The following CFAP46 variants were observed in gnomAD, a reference collection of about 807,000 sequenced individuals.
The protein encoded by CFAP46 is cilia and flagella associated protein 46, also known as cilia- and flagella-associated protein 46.
A neutral mutation model predicts 325.7 loss-of-function variants in CFAP46; 245 were observed. That is an observed-to-expected ratio of 0.75 (90% CI 0.68 to 0.84). The LOEUF is 0.84. Among genes scored for constraint, CFAP46 ranks in the 40% least tolerant of loss-of-function variants. The pLI, the probability that CFAP46 is intolerant of heterozygous loss-of-function variation, is 0.00. For missense variants in CFAP46, 3,346 were observed against 3,543.0 expected (o/e 0.94, Z 1.41); for synonymous variants, 1,523 against 1,495.9 (o/e 1.02, Z -0.42).
chr10:132,821,422 CTGA>C (rs1473868866), intron 50 of CFAP46, among the ~76,000 whole-genome samples: 5 of 107,350 alleles, frequency 4.7e-5, no homozygotes, highest in Admixed American at 9.8e-5. Flanking sequence ...TGTGTGAGCG[CTGA>C]TGTGTGCTGT....
rs1849132397 is a variant in CFAP46 at position 132,886,448 on chromosome 10, A to G, written c.3305-489T>C. ...CGGAGCCATGTGACACGCAGAGGCA[A>G]AGGTGCCTGCCTTCAGGGCACACAC... On this transcript the variant is annotated intron_variant, in intron 25 of 57. Coordinates refer to ENST00000368586, the MANE Select transcript of CFAP46 (RefSeq NM_001200049.3). This position sits in a 1 kb window ranked among gnomAD's most constrained non-coding sequence, Gnocchi z 5.8. Among the ~76,000 whole-genome samples the G allele has an allele frequency of 6.6e-6, 1 of 152,188 alleles. No homozygotes were observed. The highest frequency in any genetic ancestry group is 6.5e-5 in the Admixed American group (1 of 15,284).
intron 48 of CFAP46, 87 bp from the exon 49 acceptor site, chr10:132,834,210 T>C (rs1289296270): frequency 1.6e-6 from 2 of 1,259,824 alleles, no homozygotes; most frequent in South Asian, 1.3e-5. Flanking sequence ...CCTGTTTCAC[T>C]CTAAGGCAGC....
chr10:132,812,301 G>A (rs1240099915), intron 55 of CFAP46, among the ~76,000 whole-genome samples: 1 of 152,226 alleles, frequency 6.6e-6, no homozygotes, highest in Non-Finnish European at 1.5e-5. Flanking sequence ...AGCTGGCTGG[G>A]GTGTCACTGT....
In CFAP46 at chr10:132,885,246, C is replaced by G; in HGVS notation, c.3484G>C (p.Gly1162Arg). Residue 1162 changes from glycine to arginine, a missense_variant, in exon 27 of 58, where the codon GGG becomes CGG. Physicochemically the swap from Gly to Arg is moderately radical, Grantham distance 125. Coordinates refer to ENST00000368586, the MANE Select transcript of CFAP46 (RefSeq NM_001200049.3). ...TGTATTTCCATCGAAAAATTCTGCC[C>G]GAGCTTGGCCTTCACGATGACCATG... ...KHMVIVKAKLGQNFSMEIQKF... is the reference protein window; with the variant it reads ...KHMVIVKAKLRQNFSMEIQKF... 1 of 1,550,068 alleles carries G rather than the reference C, an allele frequency of 6.5e-7. No homozygotes were observed. The highest frequency in any genetic ancestry group is 8.7e-7 in the Non-Finnish European group (1 of 1,146,718).
chr10:132,846,237 A>G lies in CFAP46; in HGVS notation c.6268-10T>C. ...CTGAGGCCGAGCAGCTCTGAAAGGGAGCAGGGGAGGTGTACCAGGGGCCCG... is the reference window on the plus strand; with the variant it reads ...CTGAGGCCGAGCAGCTCTGAAAGGGGGCAGGGGAGGTGTACCAGGGGCCCG... On this transcript the variant is annotated splice_polypyrimidine_tract_variant and intron_variant, in intron 43 of 57. Coordinates refer to ENST00000368586, the MANE Select transcript of CFAP46 (RefSeq NM_001200049.3). The G allele has an allele frequency of 6.2e-7, 1 of 1,610,298 alleles. No individual in the cohort carries two copies. Among genetic ancestry groups the G allele is most frequent in the South Asian group, 1.1e-5 (1 of 90,618 alleles).
intron 50 of CFAP46, among the ~76,000 whole-genome samples, chr10:132,823,627 CTG>C (rs1384044029): frequency 1.0e-5 from 1 of 98,724 alleles, no homozygotes; most frequent in African/African-American, 4.3e-5. Flanking sequence ...GTGCTGTGTG[CTG>C]TGTGAGTGCT....
At chr10:132,882,957 T>C (rs1849070713) in intron 27 of CFAP46, among the ~76,000 whole-genome samples, 1 of 151,932 alleles carries the variant, frequency 6.6e-6, no homozygotes, top group African/African-American at 2.4e-5. Context: ...GGCTGAGGAG[T>C]GCCGGGGACC....
chr10:132,854,306 T>C (rs1848606226), intron 39 of CFAP46, among the ~76,000 whole-genome samples: 1 of 149,702 alleles, frequency 6.7e-6, no homozygotes, highest in Admixed American at 6.6e-5. Flanking sequence ...TGGCATTTCG[T>C]GCATACATAG....
At chr10:132,866,399 A>T (rs1591062779) in intron 34 of CFAP46, among the ~76,000 whole-genome samples, 1 of 152,004 alleles carries the variant, frequency 6.6e-6, no homozygotes, top group Non-Finnish European at 1.5e-5. Context: ...CACCCTGGGC[A>T]CCTCTCTTTT....
rs375180558 is a variant in CFAP46 at position 132,814,595 on chromosome 10, C to G, written c.7267G>C (p.Glu2423Gln). 2 of 1,571,506 alleles carry G rather than the reference C, an allele frequency of 1.3e-6. No homozygotes were observed. The highest frequency in any genetic ancestry group is 8.6e-7 in the Non-Finnish European group (1 of 1,158,898). ...DNFKFVVDPY[E>Q]EAQGPEMLTP... Reference sequence around the variant, plus strand: ...CACCCACCTGGGCCCTGGGCCTCCTCGTATGGGTCCACGACGACTGGGTCC... The same window carrying G: ...CACCCACCTGGGCCCTGGGCCTCCTGGTATGGGTCCACGACGACTGGGTCC... The change falls in exon 53 of 58, where the codon GAG (glutamate) becomes CAG (glutamine). Residue 2423 changes from glutamate to glutamine, a missense_variant. Coordinates refer to ENST00000368586, the MANE Select transcript of CFAP46 (RefSeq NM_001200049.3).
In CFAP46 at chr10:132,877,140, G is replaced by A. The variant is rs1848968001; in HGVS notation, c.4213-179C>T. The stretch of plus-strand genomic sequence containing the variant: ...GCCTCTGATACTGTTTCCAGGCAGT[G>A]CACGCAAAGCTTTCTGCCCCGTGCA... On this transcript the variant is annotated intron_variant, in intron 30 of 57. Transcript: ENST00000368586. This position sits in a 1 kb window ranked among gnomAD's most constrained non-coding sequence, Gnocchi z 5.7. Among the ~76,000 whole-genome samples the A allele has an allele frequency of 6.6e-6, 1 of 152,202 alleles. No individual in the cohort carries two copies. The highest frequency in any genetic ancestry group is 2.1e-4 in the South Asian group (1 of 4,828).
chr10:132,835,687 C>T (rs1008479549), intron 46 of CFAP46, among the ~76,000 whole-genome samples: 6 of 152,120 alleles, frequency 3.9e-5, no homozygotes, highest in Non-Finnish European at 7.4e-5. Context: ...CAGAATGTCA[C>T]AGGCTCTACA....
At chr10:132,875,005 A>G (rs1028163937) in intron 31 of CFAP46, among the ~76,000 whole-genome samples, 1 of 152,242 alleles carries the variant, frequency 6.6e-6, no homozygotes, top group South Asian at 2.1e-4. Context: ...TGATGTACAC[A>G]CAAAATCCAA....
chr10:132,887,193 CTCTCTCCTCT>C (rs1849150533), intron 25 of CFAP46, among the ~76,000 whole-genome samples: 2 of 94,288 alleles, frequency 2.1e-5, no homozygotes, highest in African/African-American at 1.3e-4. Flanking sequence ...TCTCTCTCTC[CTCTCTCCTCT>C]TCTTTCCTCT....
At chr10:132,903,545 G>A (rs562193874) in intron 22 of CFAP46, among the ~76,000 whole-genome samples, 11 of 152,200 alleles carry the variant, frequency 7.2e-5, no homozygotes, top group Non-Finnish European at 1.0e-4. Flanking sequence ...GGCAGAATGC[G>A]GAGCCCACTT....
intron 35 of CFAP46, among the ~76,000 whole-genome samples, chr10:132,861,771 C>T (rs963993615): frequency 1.3e-5 from 2 of 152,210 alleles, no homozygotes; most frequent in Non-Finnish European, 2.9e-5. Flanking sequence ...CCATGTATCA[C>T]TTTCTGGCCA....
chr10:132,863,022 A>C (rs996209133), intron 35 of CFAP46, among the ~76,000 whole-genome samples: 2 of 152,166 alleles, frequency 1.3e-5, no homozygotes, highest in Non-Finnish European at 2.9e-5. Context: ...GCTGTGAAAC[A>C]AAGTCCCTGC....
intron 9 of CFAP46, among the ~76,000 whole-genome samples, chr10:132,927,343 G>A (rs912728280): frequency 6.6e-6 from 1 of 152,048 alleles, no homozygotes; most frequent in Non-Finnish European, 1.5e-5. Flanking sequence ...CCGTCCCGGG[G>A]AGCAGGTCCT....
In CFAP46 at chr10:132,908,370, G is replaced by A. The variant is rs1395343439; in HGVS notation, c.2924+98C>T. 5 of 1,410,250 alleles carry A rather than the reference G, an allele frequency of 3.5e-6. No individual in the cohort carries two copies. The South Asian group carries it at 5.1e-5, about 14-fold the overall frequency. 87.4% of individuals were successfully genotyped at this position (1,410,250 alleles called of 1,614,324 possible). The stretch of plus-strand genomic sequence containing the variant: ...CGCTCCCTGCCCGTTTTGGGGAACT[G>A]GTGGGGCGCTCACCTGCTCCCTGAT... On this transcript the variant is annotated intron_variant, in intron 22 of 57. Coordinates refer to ENST00000368586, the MANE Select transcript of CFAP46 (RefSeq NM_001200049.3).
Sources: allele counts gnomAD v4.1 joint callset (sites outside exome capture counted in the v4.1 genomes callset), GRCh38; gene constraint gnomAD v4.1.1; non-coding constraint Gnocchi (gnomAD v3.1); transcripts MANE v1.5; gene names NCBI Gene and HGNC (gene_info 2026-07-23, HGNC 2026-07-21).